ICA1: variants seen among roughly 807,000 people sequenced by gnomAD.
ICA1 encodes islet cell autoantigen 1, also known as 69 kDa islet cell autoantigen.
In ICA1, 40 loss-of-function variants were observed where a neutral mutation model predicts 71.0. That is an observed-to-expected ratio of 0.56 (90% CI 0.44 to 0.73). The LOEUF (loss-of-function observed/expected upper bound fraction) is 0.73, where lower values mean the gene tolerates loss of function less well. Among genes scored for constraint, ICA1 ranks in the 30% least tolerant of loss-of-function variants. The pLI, the probability that ICA1 is intolerant of heterozygous loss-of-function variation, is 0.00. For missense variants in ICA1, 578 were observed against 576.5 expected (o/e 1.00, Z -0.03); for synonymous variants, 207 against 209.5 (o/e 0.99, Z 0.10).
At chr7:8,178,524 A>G (rs563136453) in intron 6 of ICA1, among the ~76,000 whole-genome samples, 6 of 151,712 alleles carry the variant, frequency 4.0e-5, no homozygotes, top group African/African-American at 1.5e-4. Context: ...TTGGGTCTGT[A>G]GCTTCTATTT....
chr7:8,236,451 A>G (rs1024030851), intron 1 of ICA1, among the ~76,000 whole-genome samples: 1 of 152,236 alleles, frequency 6.6e-6, no homozygotes, highest in Non-Finnish European at 1.5e-5. Flanking sequence ...AAGTGCACAC[A>G]TAGTGTTCTC....
At chr7:8,232,998 A>G (rs1008490358) in intron 2 of ICA1, among the ~76,000 whole-genome samples, 1 of 151,884 alleles carries the variant, frequency 6.6e-6, no homozygotes, top group Non-Finnish European at 1.5e-5. Flanking sequence ...AAAGAAACTA[A>G]CCCTTGAAAA....
At chr7:8,142,987 A>T (rs531066715) in intron 9 of ICA1, among the ~76,000 whole-genome samples, 19 of 152,238 alleles carry the variant, frequency 1.2e-4, no homozygotes, top group Non-Finnish European at 2.8e-4. Context: ...TGGGACAAAA[A>T]ATATATCTGA....
At chr7:8,124,951 G>C (rs1466442493) in intron 13 of ICA1, among the ~76,000 whole-genome samples, 2 of 152,042 alleles carry the variant, frequency 1.3e-5, no homozygotes, top group African/African-American at 2.4e-5. Flanking sequence ...ACCACACCCA[G>C]CTAATTTTTG....
chr7:8,208,265 G>C (rs1444714933), intron 6 of ICA1, among the ~76,000 whole-genome samples: 1 of 152,144 alleles, frequency 6.6e-6, no homozygotes, highest in Non-Finnish European at 1.5e-5. Flanking sequence ...AGGATTTGAA[G>C]AAAATTCTTT....
intron 13 of ICA1, among the ~76,000 whole-genome samples, chr7:8,125,181 T>C (rs1008485597): frequency 6.6e-6 from 1 of 152,160 alleles, no homozygotes; most frequent in African/African-American, 2.4e-5. Context: ...GGAAATCAGA[T>C]CATGTTTCTC....
intron 8 of ICA1, among the ~76,000 whole-genome samples, chr7:8,149,211 T>G (rs151163584): frequency 3.0e-3 from 458 of 152,280 alleles, no homozygotes; most frequent in South Asian, 7.9e-3. Context: ...CGTCCAGAAA[T>G]GAAAACTCCA....
At chr7:8,240,210 G>T (rs1803298492) in intron 1 of ICA1, among the ~76,000 whole-genome samples, 1 of 91,788 alleles carries the variant, frequency 1.1e-5, no homozygotes, top group South Asian at 3.0e-4. Context: ...GGATCAGGCA[G>T]CAATATTTGC....
intron 6 of ICA1, among the ~76,000 whole-genome samples, chr7:8,163,851 G>A (rs1804827513): frequency 6.6e-6 from 1 of 152,166 alleles, no homozygotes; most frequent in East Asian, 1.9e-4. Context: ...GCACATCCTG[G>A]AGCAGCACCT....
intron 6 of ICA1, among the ~76,000 whole-genome samples, chr7:8,165,372 G>T (rs908519920): frequency 6.6e-6 from 1 of 152,232 alleles, no homozygotes; most frequent in Admixed American, 6.5e-5. Flanking sequence ...GCCAACAGTA[G>T]ACTTCAGGAT....
intron 6 of ICA1, among the ~76,000 whole-genome samples, chr7:8,215,659 G>C (rs1453881725): frequency 6.6e-6 from 1 of 152,178 alleles, no homozygotes; most frequent in Admixed American, 6.5e-5. Flanking sequence ...TGGATACTAA[G>C]GAATCCAAAT....
At position 8,132,525 on chromosome 7, in the gene ICA1, AG is replaced by A. The variant is rs1791852253; in HGVS notation, c.1061-4384del. 2.0e-5 allele frequency among the ~76,000 whole-genome samples: 3 copies of A among 152,154 alleles called. No individual in the cohort carries two copies. The highest frequency in any genetic ancestry group is 7.2e-5 in the African/African-American group (3 of 41,424). ...ATAGCTCTCTTGAAGGTCAGCAGTG[AG>A]ATCCTCATTGCCAGTTCTGAGGCTC... On this transcript the variant is annotated intron_variant, in intron 12 of 13. Coordinates refer to ENST00000402384, the MANE Select transcript of ICA1 (RefSeq NM_001136020.3). This position sits in a 1 kb window ranked among gnomAD's most constrained non-coding sequence, Gnocchi z 4.5.
intron 1 of ICA1, among the ~76,000 whole-genome samples, chr7:8,242,444 G>A (rs4620195): frequency 0.44 from 67,568 of 151,930 alleles, 17,010 homozygotes; most frequent in African/African-American, 0.69. Context: ...ATAGCACTAA[G>A]TGCCCACAAG....
intron 5 of ICA1, among the ~76,000 whole-genome samples, chr7:8,219,444 C>G (rs945937439): frequency 6.6e-6 from 1 of 152,244 alleles, no homozygotes; most frequent in African/African-American, 2.4e-5. Flanking sequence ...CCATCAACGT[C>G]TGCAATGCCT....
chr7:8,119,268 A>T (rs1253227428), intron 13 of ICA1, among the ~76,000 whole-genome samples: 1 of 152,186 alleles, frequency 6.6e-6, no homozygotes. Context: ...GGTGAGGAGT[A>T]GAAACCCCTC....
intron 8 of ICA1, chr7:8,156,908 T>A (rs557433467): frequency 2.0e-6 from 3 of 1,524,052 alleles, no homozygotes; most frequent in African/African-American, 2.8e-5. Flanking sequence ...TAGATTCTCA[T>A]TGTATTGAAT....
intron 6 of ICA1, among the ~76,000 whole-genome samples, chr7:8,174,556 G>A (rs929384030): frequency 8.6e-5 from 13 of 152,008 alleles, no homozygotes; most frequent in African/African-American, 3.1e-4. Context: ...CACTTTGGGA[G>A]TCTGAGGCAG....
chr7:8,157,542 C>G lies in ICA1; in HGVS notation c.706-328G>C, dbSNP rs118074395. 13 of 279,444 alleles carry G rather than the reference C, an allele frequency of 4.7e-5. No homozygotes were observed. The East Asian group carries it at 8.8e-4, about 19-fold the overall frequency. 17.3% of individuals were successfully genotyped at this position (279,444 alleles called of 1,614,324 possible). On this transcript the variant is annotated intron_variant, in intron 7 of 13. Transcript: ENST00000402384. ...TACTGTTGCAATCCCTCAGCTGATT[C>G]TATTTCTCCCTCTTTAAGCTGTCAC...
intron 4 of ICA1, among the ~76,000 whole-genome samples, chr7:8,225,473 T>C (rs1413855818): frequency 1.3e-5 from 2 of 152,166 alleles, no homozygotes; most frequent in African/African-American, 4.8e-5. Context: ...TATAGGTGCA[T>C]CTTGAATTTT....
Sources: allele counts gnomAD v4.1 joint callset (sites outside exome capture counted in the v4.1 genomes callset), GRCh38; gene constraint gnomAD v4.1.1; non-coding constraint Gnocchi (gnomAD v3.1); transcripts MANE v1.5; gene names NCBI Gene and HGNC (gene_info 2026-07-23, HGNC 2026-07-21).